CYSLTR1: variants seen among roughly 807,000 people sequenced by gnomAD.
CYSLTR1 encodes the protein G-protein coupled receptor HG55.
CYSLTR1 carries 1 observed loss-of-function variant against 2.1 expected under a neutral mutation model. The observed-to-expected ratio is 0.48, with a 90% CI of 0.17 to 2.28. The LOEUF (loss-of-function observed/expected upper bound fraction) is 2.28. CYSLTR1 is among the 30% of genes most tolerant of loss of function. The pLI, the probability that CYSLTR1 is intolerant of heterozygous loss-of-function variation, is 0.26. For synonymous variants in CYSLTR1, 110 were observed against 89.6 expected, an observed-to-expected ratio of 1.23 and a Z score of -1.28; for missense variants, 299 against 250.1, an observed-to-expected ratio of 1.20 and a Z score of -1.32.
At chrX:78,285,205 G>A (rs1922010692) in intron 1 of CYSLTR1, among the ~76,000 whole-genome samples, 1 of 110,581 alleles carries the variant, frequency 9.0e-6, no homozygotes, top group Non-Finnish European at 1.9e-5. Flanking sequence ...GGCCGAGGCG[G>A]GCGGATCACG....
Position 78,272,638 on chromosome X carries a change from T to C in CYSLTR1, c.*95A>G, listed in dbSNP as rs1921317598. 1.1e-6 allele frequency: 1 copy of C among 890,340 alleles called. No individual in the cohort carries two copies. Among genetic ancestry groups the C allele is most frequent in the Non-Finnish European group, 1.5e-6 (1 of 669,335 alleles). The allele number at this position is 890,340 out of a possible 1,213,427, so 73.4% of individuals were successfully genotyped here. ...CCCAAATAGTTAAGTATTTGTAAAA[T>C]ATTAAGTAAAATTTTTATTTTTTTT... On this transcript the variant is annotated 3_prime_UTR_variant, in exon 3 of 3. Coordinates refer to ENST00000373304, the MANE Select transcript of CYSLTR1 (RefSeq NM_006639.4).
chrX:78,323,030 A>C lies in CYSLTR1; in HGVS notation c.-115+4275T>G, dbSNP rs192140876. Among the ~76,000 whole-genome samples the C allele has an allele frequency of 1.6e-3, 179 of 112,026 alleles. 1 individual carries two copies. Among genetic ancestry groups the C allele is most frequent in the Middle Eastern group, 9.2e-3 (2 of 218 alleles). ...TAATCAGATTAAAAGGATGCATAAG[A>C]CCAGAACTTAAGGGAAATGAAAGTT... On this transcript the variant is annotated intron_variant, in intron 1 of 2. Transcript: ENST00000373304.
At chrX:78,292,543 G>C (rs768011684) in intron 1 of CYSLTR1, among the ~76,000 whole-genome samples, 12 of 111,562 alleles carry the variant, frequency 1.1e-4, no homozygotes, top group Non-Finnish European at 2.3e-4. Context: ...CTGTCTCATT[G>C]ATCTGTCTAA....
chrX:78,303,320 C>A (rs1291741801), intron 1 of CYSLTR1, among the ~76,000 whole-genome samples: 5 of 111,408 alleles, frequency 4.5e-5, no homozygotes, highest in African/African-American at 1.6e-4. Context: ...GTTGGCAATT[C>A]AAGACTGTTT....
intron 1 of CYSLTR1, among the ~76,000 whole-genome samples, chrX:78,307,435 A>G (rs1310879150): frequency 8.9e-6 from 1 of 111,789 alleles, no homozygotes; most frequent in African/African-American, 3.3e-5. Context: ...CTTCCAGGCC[A>G]TCAGGAGAGA....
At chrX:78,311,691 C>G (rs992893678) in intron 1 of CYSLTR1, among the ~76,000 whole-genome samples, 4 of 111,960 alleles carry the variant, frequency 3.6e-5, no homozygotes, top group Non-Finnish European at 5.6e-5. Context: ...ACACCAAAAA[C>G]ATTTTAGCTA....
At chrX:78,316,429 G>A (rs1205873706) in intron 1 of CYSLTR1, among the ~76,000 whole-genome samples, 1 of 112,506 alleles carries the variant, frequency 8.9e-6, no homozygotes, top group African/African-American at 3.2e-5. Flanking sequence ...AGGAAGGGGT[G>A]AGACCTGAAA....
intron 1 of CYSLTR1, among the ~76,000 whole-genome samples, chrX:78,310,045 C>T (rs1033282642): frequency 2.7e-5 from 3 of 111,912 alleles, no homozygotes; most frequent in African/African-American, 9.7e-5. Flanking sequence ...TTAAAATTTA[C>T]AAATTTCTTT....
In CYSLTR1 at chrX:78,291,860, C is replaced by T. The variant is rs750070231; in HGVS notation, c.-114-8320G>A. The stretch of plus-strand genomic sequence containing the variant: ...CTATTTGATTCTTCTCTCTTTTCTT[C>T]TTTATTAGTCTTGCTAGCGGTCTAT... On this transcript the variant is annotated intron_variant, in intron 1 of 2. Coordinates refer to ENST00000373304, the MANE Select transcript of CYSLTR1 (RefSeq NM_006639.4). Among the ~76,000 whole-genome samples, 17 of 105,557 alleles carry T rather than the reference C, an allele frequency of 1.6e-4. No individual in the cohort carries two copies. The East Asian group carries it at 5.0e-3, about 31-fold the overall frequency. 91.7% of individuals were successfully genotyped at this position (105,557 alleles called of 115,157 possible).
At chrX:78,311,747 T>C (rs1923225243) in intron 1 of CYSLTR1, among the ~76,000 whole-genome samples, 1 of 111,427 alleles carries the variant, frequency 9.0e-6, no homozygotes, top group African/African-American at 3.3e-5. Flanking sequence ...GCCACAAAAA[T>C]TGAAATAGCT....
intron 1 of CYSLTR1, among the ~76,000 whole-genome samples, chrX:78,321,886 A>G (rs1923681701): frequency 9.0e-6 from 1 of 111,380 alleles, no homozygotes; most frequent in Non-Finnish European, 1.9e-5. Context: ...ATGTACTTTC[A>G]TGATTCTATT....
intron 1 of CYSLTR1, chrX:78,319,203 T>C (rs1923540779): frequency 9.2e-6 from 1 of 108,282 alleles, no homozygotes; most frequent in African/African-American, 3.4e-5. Flanking sequence ...CATGTTGGTG[T>C]GCTGCACCCA....
chrX:78,273,210 G>A lies in CYSLTR1; in HGVS notation c.537C>T (p.Asp179=). 1 of 1,210,804 alleles carries A rather than the reference G, an allele frequency of 8.3e-7. No homozygotes were observed. The highest frequency in any genetic ancestry group is 1.1e-6 in the Non-Finnish European group (1 of 895,167). ...CCAAAACATGATTTTTAGTTTGATT[G>A]TCTTGTGGGGGCTCAAAGCACTTGG... ...NNTKCFEPPQ[D]NQTKNHVLVL... Residue 179 remains aspartate (D), a synonymous_variant, in exon 3 of 3, where the codon GAC becomes GAT. Transcript: ENST00000373304.
At chrX:78,280,027 C>G (rs1380348013) in intron 2 of CYSLTR1, among the ~76,000 whole-genome samples, 1 of 110,592 alleles carries the variant, frequency 9.0e-6, no homozygotes, top group Non-Finnish European at 1.9e-5. Context: ...GTGATGGAAC[C>G]ATTTGTACCC....
intron 1 of CYSLTR1, among the ~76,000 whole-genome samples, chrX:78,290,545 G>A (rs931472652): frequency 9.0e-6 from 1 of 111,345 alleles, no homozygotes; most frequent in Non-Finnish European, 1.9e-5. Flanking sequence ...ATTATCTCAG[G>A]CAGTATGGCC....
At chrX:78,318,971 C>G (rs1204864664) in intron 1 of CYSLTR1, 1 of 109,273 alleles carries the variant, frequency 9.2e-6, no homozygotes, top group East Asian at 2.9e-4. Flanking sequence ...CTCTTTCACA[C>G]TTAAATAATC....
At chrX:78,314,042 C>G (rs902004429) in intron 1 of CYSLTR1, among the ~76,000 whole-genome samples, 1 of 111,571 alleles carries the variant, frequency 9.0e-6, no homozygotes, top group African/African-American at 3.3e-5. Context: ...AAGCAGCACA[C>G]TTTTGATGAG....
chrX:78,321,532 A>C (rs1923655415), intron 1 of CYSLTR1: 1 of 110,282 alleles, frequency 9.1e-6, no homozygotes, highest in Admixed American at 9.6e-5. Context: ...CTCTCCTAAA[A>C]ATACAAAATT....
chrX:78,292,413 T>A (rs1188011214), intron 1 of CYSLTR1, among the ~76,000 whole-genome samples: 1 of 112,148 alleles, frequency 8.9e-6, no homozygotes, highest in East Asian at 2.8e-4. Flanking sequence ...TTAGAATAAG[T>A]GCGATGTGGT....
Sources: allele counts gnomAD v4.1 joint callset (sites outside exome capture counted in the v4.1 genomes callset), GRCh38; gene constraint gnomAD v4.1.1; transcripts MANE v1.5; gene names NCBI Gene and HGNC (gene_info 2026-07-23, HGNC 2026-07-21).